The following MICA variants were observed in gnomAD, a reference collection of about 807,000 sequenced individuals.
MICA encodes the protein MHC class I polypeptide-related sequence A.
MICA carries 18 observed loss-of-function variants against 34.3 expected under a neutral mutation model. The ratio of observed to expected loss-of-function variants is 0.52; its 90% CI spans 0.36 to 0.78. MICA has a LOEUF of 0.78. MICA is among the 30% of genes least tolerant of loss of function. The pLI is 0.00. For missense variants in MICA, 333 were observed against 409.4 expected (o/e 0.81, Z 1.61); for synonymous variants, 135 against 156.9 (o/e 0.86, Z 1.04).
chr6:31,404,304 C>G (rs774262108), intron 1 of MICA, among the ~76,000 whole-genome samples: 55 of 151,690 alleles, frequency 3.6e-4, no homozygotes, highest in Middle Eastern at 3.4e-3. Flanking sequence ...TGCGACTTCT[C>G]TCATCCCCAG....
At chr6:31,406,864 A>G (rs1212695384) in intron 1 of MICA, among the ~76,000 whole-genome samples, 1 of 151,762 alleles carries the variant, frequency 6.6e-6, no homozygotes, top group Non-Finnish European at 1.5e-5. Flanking sequence ...TTTACTGTAG[A>G]TGTATGGAAT....
At position 31,413,858 on chromosome 6, in the gene MICA, T is replaced by C. The variant is rs146294823; in HGVS notation, c.*30-1154T>C. 9.4e-3 allele frequency among the ~76,000 whole-genome samples: 1,432 copies of C among 152,132 alleles called. 23 individuals are homozygous for C. Among genetic ancestry groups the C allele is most frequent in the Middle Eastern group, 0.075 (22 of 294 alleles). Reference sequence around the variant, plus strand: ...CCAGGAAAAGAGTATGAAGTTCATGTGCCAGTTTCTCAAAATTCCTGCTTT... The same window carrying C: ...CCAGGAAAAGAGTATGAAGTTCATGCGCCAGTTTCTCAAAATTCCTGCTTT... On this transcript the variant is annotated intron_variant, in intron 5 of 5. Coordinates refer to ENST00000449934, the MANE Select transcript of MICA (RefSeq NM_001177519.3).
rs2113721378 is a variant in MICA at position 31,403,892 on chromosome 6, C to T, written c.70+190C>T. On this transcript the variant is annotated intron_variant, in intron 1 of 5. Coordinates refer to ENST00000449934, the MANE Select transcript of MICA (RefSeq NM_001177519.3). This position sits in a 1 kb window ranked among gnomAD's most constrained non-coding sequence, Gnocchi z 4.7. The stretch of plus-strand genomic sequence containing the variant: ...TTCCCCGTCACTTTTCAGTCCTCCT[C>T]GGGATCGCGCATCACCTGCACTTTC... Among the ~76,000 whole-genome samples, 1 of 151,976 alleles carries T rather than the reference C, an allele frequency of 6.6e-6. No individual in the cohort carries two copies. The highest frequency in any genetic ancestry group is 2.1e-4 in the South Asian group (1 of 4,818).
chr6:31,412,981 A>G (rs1211571993), intron 5 of MICA, among the ~76,000 whole-genome samples: 1 of 150,896 alleles, frequency 6.6e-6, no homozygotes, highest in Admixed American at 6.6e-5. Context: ...AAAAAGACCT[A>G]TGAGGCCCAG....
At chr6:31,404,567 G>A (rs995669498) in intron 1 of MICA, among the ~76,000 whole-genome samples, 2 of 151,716 alleles carry the variant, frequency 1.3e-5, no homozygotes, top group African/African-American at 4.9e-5. Flanking sequence ...CACCCCTTAT[G>A]GGCCTTTCCT....
rs560353736 is a variant in MICA, at chr6:31,406,725, T to A, written c.70+3023T>A. Among the ~76,000 whole-genome samples the A allele has an allele frequency of 2.6e-5, 4 of 152,014 alleles. No individual in the cohort carries two copies. In the South Asian group the frequency reaches 8.3e-4, roughly 32 times the overall value. On this transcript the variant is annotated intron_variant, in intron 1 of 5. Transcript: ENST00000449934. ...CATCTTTAATCCACTTTGATTTGATTTTTGTATATGGTGAAAGACAGGGTC... is the reference window on the plus strand; with the variant it reads ...CATCTTTAATCCACTTTGATTTGATATTTGTATATGGTGAAAGACAGGGTC...
At chr6:31,402,945 C>G (rs17200067), upstream of MICA, among the ~76,000 whole-genome samples, 1 of 151,346 alleles carries the variant, frequency 6.6e-6, no homozygotes, top group African/African-American at 2.4e-5. Flanking sequence ...ACTTCAGACA[C>G]TTAGAGGATA....
At chr6:31,407,635 T>C (rs981722439) in intron 1 of MICA, among the ~76,000 whole-genome samples, 1 of 152,006 alleles carries the variant, frequency 6.6e-6, no homozygotes, top group African/African-American at 2.4e-5. Context: ...GTAAATGGGA[T>C]TCGTTTCTTG....
At chr6:31,409,245 T>C (rs1458534199) in intron 1 of MICA, among the ~76,000 whole-genome samples, 1 of 151,720 alleles carries the variant, frequency 6.6e-6, no homozygotes, top group African/African-American at 2.4e-5. Context: ...CTTTTGGGTA[T>C]ATATCCAGAA....
upstream of MICA, among the ~76,000 whole-genome samples, chr6:31,401,002 A>G (rs1325471285): frequency 1.3e-5 from 2 of 151,856 alleles, no homozygotes; most frequent in Non-Finnish European, 2.9e-5. Context: ...AACCATTTCT[A>G]AATGCCTTAG....
In MICA at chr6:31,411,443, C is replaced by T. The variant is rs1212307358; in HGVS notation, c.613+84C>T. ...TCCCAGATGTGTCCAGGGAAACCCTCCCTGTGCTATGGATGAAGGCATTTC... is the reference window on the plus strand; with the variant it reads ...TCCCAGATGTGTCCAGGGAAACCCTTCCTGTGCTATGGATGAAGGCATTTC... On this transcript the variant is annotated intron_variant, in intron 3 of 5. Coordinates refer to ENST00000449934, the MANE Select transcript of MICA (RefSeq NM_001177519.3). This position sits in a 1 kb window ranked among gnomAD's most constrained non-coding sequence, Gnocchi z 4.3. 18 of 1,342,240 alleles carry T rather than the reference C, an allele frequency of 1.3e-5. No homozygotes were observed. Among genetic ancestry groups the T allele is most frequent in the Non-Finnish European group, 1.7e-5 (17 of 996,802 alleles). 83.1% of individuals were successfully genotyped at this position (1,342,240 alleles called of 1,614,324 possible).
intron 1 of MICA, among the ~76,000 whole-genome samples, chr6:31,409,593 T>C (rs1770963386): frequency 7.6e-6 from 1 of 131,280 alleles, no homozygotes; most frequent in African/African-American, 2.6e-5. Context: ...TGCCCTTTGA[T>C]GCATAGATGT....
rs1169067930 is a variant in MICA, at chr6:31,411,125, A to T, written c.379A>T (p.Thr127Ser). 1 of 1,610,768 alleles carries T rather than the reference A, an allele frequency of 6.2e-7. No homozygotes were observed. Among genetic ancestry groups the T allele is most frequent in the Admixed American group, 1.7e-5 (1 of 58,858 alleles). The change falls in exon 3 of 6, where the codon ACC (threonine) becomes TCC (serine). Residue 127 changes from threonine to serine, a missense_variant. By Grantham distance (58) the Thr-to-Ser change is moderately conservative. Coordinates refer to ENST00000449934, the MANE Select transcript of MICA (RefSeq NM_001177519.3). The surrounding 1 kb of genome is among the most constrained non-coding windows in gnomAD (Gnocchi z 4.3). ...RVCEIHEDNSTRSSQHFYYDG... is the reference protein window; with the variant it reads ...RVCEIHEDNSSRSSQHFYYDG... Reference sequence around the variant, plus strand: ...CTGTGAGATCCATGAAGACAACAGCACCAGGAGCTCCCAGCATTTCTACTA... The same window carrying T: ...CTGTGAGATCCATGAAGACAACAGCTCCAGGAGCTCCCAGCATTTCTACTA...
At chr6:31,403,259 G>A (rs565720341), upstream of MICA, among the ~76,000 whole-genome samples, 1 of 151,934 alleles carries the variant, frequency 6.6e-6, no homozygotes, top group African/African-American at 2.4e-5. This position sits in a 1 kb window ranked among gnomAD's most constrained non-coding sequence, Gnocchi z 4.7. Flanking sequence ...GGTGAGGCCC[G>A]CGCTCCTCGG....
chr6:31,410,579 C>A lies in MICA; in HGVS notation c.107C>A (p.Ser36Tyr). The change falls in exon 2 of 6, where the codon TCC becomes TAC. Residue 36 changes from serine to tyrosine, a missense_variant. Transcript: ENST00000449934. ...HSLRYNLTVL[S>Y]WDGSVQSGFL... ...CTTCGTTATAACCTCACGGTGCTGTCCTGGGATGGATCTGTGCAGTCAGGG... is the reference window on the plus strand; with the variant it reads ...CTTCGTTATAACCTCACGGTGCTGTACTGGGATGGATCTGTGCAGTCAGGG... 1 of 1,613,294 alleles carries A rather than the reference C, an allele frequency of 6.2e-7. No individual in the cohort carries two copies. Among genetic ancestry groups the A allele is most frequent in the Non-Finnish European group, 8.5e-7 (1 of 1,179,944 alleles).
At chr6:31,407,004 C>T (rs777947888) in intron 1 of MICA, among the ~76,000 whole-genome samples, 1 of 151,692 alleles carries the variant, frequency 6.6e-6, no homozygotes, top group Non-Finnish European at 1.5e-5. Flanking sequence ...TAGTTTTGTT[C>T]ATTTTGCTCA....
intron 1 of MICA, among the ~76,000 whole-genome samples, chr6:31,404,174 A>G (rs369340614): frequency 2.6e-5 from 4 of 151,558 alleles, no homozygotes; most frequent in Non-Finnish European, 5.9e-5. Context: ...CTCCTGGAGT[A>G]GGGGCCCTCC....
At chr6:31,402,552 C>G (rs3763287), upstream of MICA, among the ~76,000 whole-genome samples, 2 of 151,126 alleles carry the variant, frequency 1.3e-5, no homozygotes, top group South Asian at 4.2e-4. Context: ...AGGCAGGCAC[C>G]GTGTTTAGGA....
intron 1 of MICA, among the ~76,000 whole-genome samples, chr6:31,407,446 G>A (rs1770811430): frequency 6.6e-6 from 1 of 151,824 alleles, no homozygotes; most frequent in African/African-American, 2.4e-5. Context: ...ATGTTGGCCA[G>A]GCTAGTCTTG....
Sources: allele counts gnomAD v4.1 joint callset (sites outside exome capture counted in the v4.1 genomes callset), GRCh38; gene constraint gnomAD v4.1.1; non-coding constraint Gnocchi (gnomAD v3.1); transcripts MANE v1.5; gene names NCBI Gene and HGNC (gene_info 2026-07-23, HGNC 2026-07-21).